DCLK2: variants seen among roughly 807,000 people sequenced by gnomAD.
The protein encoded by DCLK2 is serine/threonine-protein kinase DCLK2.
DCLK2 carries 31 observed loss-of-function variants against 78.4 expected under a neutral mutation model. The observed-to-expected ratio is 0.40, with a 90% CI of 0.30 to 0.53. The LOEUF is 0.53. Among genes scored for constraint, DCLK2 ranks in the 20% least tolerant of loss-of-function variants. The probability of loss-of-function intolerance (pLI) is 0.61; values close to 1 mark genes in which losing one functional copy is unlikely to be tolerated. For missense variants in DCLK2, 872 were observed against 973.7 expected (o/e 0.90, Z 1.39); for synonymous variants, 407 against 374.9 (o/e 1.09, Z -0.99).
intron 1 of DCLK2, among the ~76,000 whole-genome samples, chr4:150,100,985 C>A (rs538848165): frequency 8.5e-5 from 13 of 152,274 alleles, no homozygotes; most frequent in African/African-American, 3.1e-4. Context: ...GGCATGGTGG[C>A]TCATGCCTTA....
intron 2 of DCLK2, among the ~76,000 whole-genome samples, chr4:150,166,970 A>G (rs1460927249): frequency 6.6e-6 from 1 of 152,190 alleles, no homozygotes; most frequent in Non-Finnish European, 1.5e-5. Flanking sequence ...ATCATGTAAA[A>G]TAGCCACTGA....
At position 150,157,149 on chromosome 4, in the gene DCLK2, G is replaced by T. The variant is rs369584562; in HGVS notation, c.757-35989G>T. 2.8e-5 allele frequency among the ~76,000 whole-genome samples: 4 copies of T among 143,250 alleles called. No individual in the cohort carries two copies. In the East Asian group the frequency reaches 6.2e-4, roughly 22 times the overall value. The allele number at this position is 143,250 out of a possible 152,430, so 94.0% of individuals were successfully genotyped here. On this transcript the variant is annotated intron_variant, in intron 2 of 15. Coordinates refer to ENST00000296550, the MANE Select transcript of DCLK2 (RefSeq NM_001040260.4). ...GGAAAATACATTTCTGCGTTAGCTG[G>T]TTTAGTGTTTCTCACCTGTTTTTTT...
intron 5 of DCLK2, among the ~76,000 whole-genome samples, chr4:150,205,648 A>AT (rs2126461046): frequency 6.6e-6 from 1 of 152,312 alleles, no homozygotes; most frequent in South Asian, 2.1e-4. Flanking sequence ...TTATTTTCAG[A>AT]TTTTTCTCCT....
At chr4:150,242,012 A>G (rs572675639) in intron 12 of DCLK2, among the ~76,000 whole-genome samples, 1 of 152,318 alleles carries the variant, frequency 6.6e-6, no homozygotes, top group East Asian at 1.9e-4. Context: ...TATGTGAAAA[A>G]TGGTTTTATC....
intron 2 of DCLK2, among the ~76,000 whole-genome samples, chr4:150,108,234 C>T (rs529996190): frequency 1.3e-5 from 2 of 152,034 alleles, no homozygotes; most frequent in South Asian, 2.1e-4. Flanking sequence ...CTTGGCCGGG[C>T]GCAGTGGCTC....
At chr4:150,116,075 A>G (rs996619469) in intron 2 of DCLK2, among the ~76,000 whole-genome samples, 2 of 152,214 alleles carry the variant, frequency 1.3e-5, no homozygotes, top group South Asian at 4.1e-4. Flanking sequence ...CAGATCAGAC[A>G]GGCACCTCTT....
At chr4:150,156,230 T>A (rs1356183736) in intron 2 of DCLK2, among the ~76,000 whole-genome samples, 2 of 152,028 alleles carry the variant, frequency 1.3e-5, no homozygotes, top group African/African-American at 4.8e-5. Context: ...AATGTTATTA[T>A]AAATGATCCC....
At chr4:150,170,051 TTTTA>T (rs1212272202) in intron 2 of DCLK2, among the ~76,000 whole-genome samples, 3 of 152,168 alleles carry the variant, frequency 2.0e-5, no homozygotes, top group Non-Finnish European at 4.4e-5. Flanking sequence ...GTTTTTAAAT[TTTTA>T]TTTATTTATT....
chr4:150,190,251 A>ATAGG (rs1738333456), intron 2 of DCLK2, among the ~76,000 whole-genome samples: 1 of 85,190 alleles, frequency 1.2e-5, no homozygotes, highest in Non-Finnish European at 2.4e-5. Context: ...AGATAGATAG[A>ATAGG]TAGATAGATA....
intron 2 of DCLK2, among the ~76,000 whole-genome samples, chr4:150,178,834 T>G (rs1737280370): frequency 6.6e-6 from 1 of 152,178 alleles, no homozygotes; most frequent in Non-Finnish European, 1.5e-5. Flanking sequence ...ATTTTACACT[T>G]AAGTTTCCTA....
chr4:150,190,879 C>G (rs1183486823), intron 2 of DCLK2, among the ~76,000 whole-genome samples: 1 of 152,064 alleles, frequency 6.6e-6, no homozygotes, highest in African/African-American at 2.4e-5. Context: ...ATTGCTTGAG[C>G]CCAGGAGTTA....
In DCLK2 at chr4:150,078,570, C is replaced by T. The variant is rs1728984809; in HGVS notation, c.-458C>T. 6.6e-6 allele frequency: 1 copy of T among 151,408 alleles called. No homozygotes were observed. Among genetic ancestry groups the T allele is most frequent in the Non-Finnish European group, 1.5e-5 (1 of 67,868 alleles). The allele number at this position is 151,408 out of a possible 1,614,324, so 9.4% of individuals were successfully genotyped here. The stretch of plus-strand genomic sequence containing the variant: ...GACTCCCCCGGGGGCCTCTCCCACG[C>T]TCCGCGCCCCGCCCCACCCTTCCTT... On this transcript the variant is annotated 5_prime_UTR_variant, in exon 1 of 16. Transcript: ENST00000296550.
intron 2 of DCLK2, among the ~76,000 whole-genome samples, chr4:150,106,954 C>T (rs1049349916): frequency 6.6e-6 from 1 of 152,118 alleles, no homozygotes; most frequent in African/African-American, 2.4e-5. Flanking sequence ...CTTGGGTTTT[C>T]TTTAGTGTAG....
At chr4:150,207,285 T>A in intron 5 of DCLK2, among the ~76,000 whole-genome samples, 1 of 152,198 alleles carries the variant, frequency 6.6e-6, no homozygotes. Context: ...GAGGGTTTTG[T>A]TACTATCTGG....
chr4:150,135,215 G>A lies in DCLK2; in HGVS notation c.756+32403G>A, dbSNP rs1733610520. 3.5e-5 allele frequency among the ~76,000 whole-genome samples: 5 copies of A among 144,544 alleles called. No individual in the cohort carries two copies. In the South Asian group the frequency reaches 1.1e-3, roughly 32 times the overall value. The allele number at this position is 144,544 out of a possible 152,430, so 94.8% of individuals were successfully genotyped here. A position where few individuals can be genotyped will look rare whatever the true frequency, so the allele number is the denominator to read the frequency against. ...ACACTGTCTCTCTCAGTTTCAGGTT[G>A]TATTTGAGAAAAGCTTGCTTCTTGG... is the stretch of plus-strand genomic sequence containing the variant. On this transcript the variant is annotated intron_variant, in intron 2 of 15. Transcript: ENST00000296550.
chr4:150,216,684 T>C (rs182902178), intron 5 of DCLK2, among the ~76,000 whole-genome samples: 2 of 152,076 alleles, frequency 1.3e-5, no homozygotes, highest in Non-Finnish European at 2.9e-5. Context: ...ACATTTCCCT[T>C]CCTTGCTTAT....
chr4:150,142,186 C>T (rs1190624816), intron 2 of DCLK2, among the ~76,000 whole-genome samples: 1 of 152,136 alleles, frequency 6.6e-6, no homozygotes, highest in Non-Finnish European at 1.5e-5. Context: ...TTATGAATCT[C>T]TCATTCATCA....
intron 2 of DCLK2, among the ~76,000 whole-genome samples, chr4:150,140,718 A>T (rs568087556): frequency 5.2e-4 from 79 of 152,282 alleles, no homozygotes; most frequent in Non-Finnish European, 9.6e-4. Flanking sequence ...TTTATTTTTT[A>T]AAATGAGTTT....
intron 15 of DCLK2, among the ~76,000 whole-genome samples, chr4:150,252,288 T>C (rs933598760): frequency 1.3e-5 from 2 of 152,134 alleles, no homozygotes; most frequent in African/African-American, 4.8e-5. Flanking sequence ...AATAAAACAT[T>C]AAAAATTGGC....
Sources: allele counts gnomAD v4.1 joint callset (sites outside exome capture counted in the v4.1 genomes callset), GRCh38; gene constraint gnomAD v4.1.1; transcripts MANE v1.5; gene names NCBI Gene and HGNC (gene_info 2026-07-23, HGNC 2026-07-21).